The following AFF3 variants were observed in gnomAD, a reference collection of about 807,000 sequenced individuals.
AFF3 encodes ALF transcription elongation factor 3, also known as AF4/FMR2 family member 3.
A neutral mutation model predicts 129.7 loss-of-function variants in AFF3; 32 were observed. The ratio of observed to expected loss-of-function variants is 0.25; its 90% CI spans 0.19 to 0.33. The LOEUF (loss-of-function observed/expected upper bound fraction) is 0.33. Ranked by LOEUF, AFF3 falls within the 10% of genes least tolerant of loss-of-function variation. The pLI, the probability that AFF3 is intolerant of heterozygous loss-of-function variation, is 1.00. For missense variants in AFF3, 1,373 were observed against 1,592.0 expected, an observed-to-expected ratio of 0.86 and a Z score of 2.34; for synonymous variants, 644 against 635.4, an observed-to-expected ratio of 1.01 and a Z score of -0.20.
Position 99,608,212 on chromosome 2 carries a change from G to A in AFF3, c.1185-6591C>T, listed in dbSNP as rs753017610. Among the ~76,000 whole-genome samples, 5 of 152,274 alleles carry A rather than the reference G, an allele frequency of 3.3e-5. 1 individual carries two copies. The South Asian group carries it at 1.0e-3, about 32-fold the overall frequency. ...GGTGCCCTTGCATATGATATTTTCT[G>A]TGCCAGAAAGTCCTTTCTCCCTTTT... On this transcript the variant is annotated intron_variant, in intron 13 of 24. Transcript: ENST00000672756.
chr2:99,769,945 C>A (rs904218817), intron 8 of AFF3, among the ~76,000 whole-genome samples: 2 of 152,158 alleles, frequency 1.3e-5, no homozygotes, highest in African/African-American at 4.8e-5. Context: ...CTGGGTCACA[C>A]CTGAAGCCAG....
intron 7 of AFF3, among the ~76,000 whole-genome samples, chr2:99,850,501 G>A (rs1447036616): frequency 6.6e-6 from 1 of 152,122 alleles, no homozygotes; most frequent in East Asian, 1.9e-4. Flanking sequence ...AACTAATGGG[G>A]GAAAGTCCAG....
intron 13 of AFF3, among the ~76,000 whole-genome samples, chr2:99,633,522 T>C (rs191064494): frequency 6.6e-6 from 1 of 152,294 alleles, no homozygotes; most frequent in East Asian, 1.9e-4. Context: ...AGTTTGAATA[T>C]GGTTTTTCTG....
chr2:99,683,528 C>T (rs1674727245), intron 11 of AFF3, among the ~76,000 whole-genome samples: 1 of 151,994 alleles, frequency 6.6e-6, no homozygotes, highest in Non-Finnish European at 1.5e-5. Flanking sequence ...CAGCTCACTG[C>T]AGCCTTGACC....
chr2:99,662,759 G>A (rs1686356510), intron 12 of AFF3, among the ~76,000 whole-genome samples: 1 of 152,212 alleles, frequency 6.6e-6, no homozygotes, highest in Non-Finnish European at 1.5e-5. Context: ...CCTGATTACT[G>A]CTTCAACTCC....
At chr2:100,119,135 G>A (rs1009871472) in intron 2 of AFF3, among the ~76,000 whole-genome samples, 4 of 152,170 alleles carry the variant, frequency 2.6e-5, no homozygotes, top group African/African-American at 9.7e-5. Context: ...TAGTCTTAAT[G>A]CATACCTTCA....
chr2:99,624,664 C>T (rs911799885), intron 13 of AFF3, among the ~76,000 whole-genome samples: 20 of 152,178 alleles, frequency 1.3e-4, no homozygotes, highest in Admixed American at 1.1e-3. Flanking sequence ...TCATCACAGA[C>T]GTGCACATAG....
At chr2:99,590,690 CTT>C (rs1201816619) in intron 15 of AFF3, among the ~76,000 whole-genome samples, 4 of 152,150 alleles carry the variant, frequency 2.6e-5, no homozygotes, top group African/African-American at 9.7e-5. Context: ...GTTGGGGCCT[CTT>C]TATAAAATTA....
At chr2:99,835,276 G>A (rs1044924980) in intron 8 of AFF3, among the ~76,000 whole-genome samples, 23 of 152,100 alleles carry the variant, frequency 1.5e-4, no homozygotes, top group Non-Finnish European at 2.1e-4. Flanking sequence ...TAGGATCTAC[G>A]ACCTAGCTCT....
chr2:99,776,049 C>T (rs1450188409), intron 8 of AFF3, among the ~76,000 whole-genome samples: 1 of 152,078 alleles, frequency 6.6e-6, no homozygotes, highest in Admixed American at 6.5e-5. Context: ...AATAATACAA[C>T]AGTAGGAGAC....
chr2:100,020,199 C>A (rs1039668205), intron 4 of AFF3, among the ~76,000 whole-genome samples: 6 of 152,132 alleles, frequency 3.9e-5, no homozygotes, highest in Admixed American at 2.6e-4. Context: ...CCCCTATCTC[C>A]CCTTGGCTAG....
intron 12 of AFF3, among the ~76,000 whole-genome samples, chr2:99,666,153 G>A (rs1340028810): frequency 6.6e-6 from 1 of 152,214 alleles, no homozygotes; most frequent in Non-Finnish European, 1.5e-5. Flanking sequence ...AGGTTTCTCT[G>A]CTAGAAGCCA....
At chr2:100,122,380 A>G (rs1692015760) in intron 2 of AFF3, among the ~76,000 whole-genome samples, 1 of 152,244 alleles carries the variant, frequency 6.6e-6, no homozygotes, top group African/African-American at 2.4e-5. Context: ...ACCTTCCTGT[A>G]ATAGCTAGGC....
At chr2:99,811,416 T>C (rs1686777491) in intron 8 of AFF3, among the ~76,000 whole-genome samples, 1 of 152,114 alleles carries the variant, frequency 6.6e-6, no homozygotes, top group Admixed American at 6.5e-5. Context: ...ACAGAGGTTT[T>C]TTGGTTTTTT....
At chr2:99,741,103 G>T (rs1680679016) in intron 10 of AFF3, among the ~76,000 whole-genome samples, 1 of 152,200 alleles carries the variant, frequency 6.6e-6, no homozygotes, top group South Asian at 2.1e-4. Context: ...TCAAAGATCA[G>T]ATAGTTGTAG....
rs763352847 is a variant in AFF3, at chr2:99,548,756, CCAA to C, written c.*2715_*2717del. ...AGACCCGGTCTCAAAACCAACCAAACCAACAACAACAGCAGTAACAACAAAACT... is the reference window on the plus strand; with the variant it reads ...AGACCCGGTCTCAAAACCAACCAAACCAACAACAGCAGTAACAACAAAACT... On this transcript the variant is annotated 3_prime_UTR_variant, in exon 25 of 25. Coordinates refer to ENST00000672756, the MANE Select transcript of AFF3 (RefSeq NM_001386135.1). 8.7e-5 allele frequency: 20 copies of C among 230,356 alleles called. No individual in the cohort carries two copies. Among genetic ancestry groups the C allele is most frequent in the Non-Finnish European group, 1.3e-4 (15 of 116,328 alleles). The allele number at this position is 230,356 out of a possible 1,614,324, so 14.3% of individuals were successfully genotyped here.
At chr2:100,142,236 G>T (rs191902350) in intron 1 of AFF3, among the ~76,000 whole-genome samples, 1 of 151,578 alleles carries the variant, frequency 6.6e-6, no homozygotes, top group Non-Finnish European at 1.5e-5. Flanking sequence ...ACATGCACAC[G>T]CACACACACT....
At chr2:99,665,572 A>C (rs1369318560) in intron 12 of AFF3, among the ~76,000 whole-genome samples, 1 of 152,248 alleles carries the variant, frequency 6.6e-6, no homozygotes, top group African/African-American at 2.4e-5. Context: ...GCACAGACTG[A>C]ATCTGAAATG....
chr2:99,977,003 C>T, intron 7 of AFF3, among the ~76,000 whole-genome samples: 1 of 152,044 alleles, frequency 6.6e-6, no homozygotes, highest in African/African-American at 2.4e-5. Context: ...GGTCTTTGAA[C>T]CATAGAAAGA....
Sources: allele counts gnomAD v4.1 joint callset (sites outside exome capture counted in the v4.1 genomes callset), GRCh38; gene constraint gnomAD v4.1.1; transcripts MANE v1.5; gene names NCBI Gene and HGNC (gene_info 2026-07-23, HGNC 2026-07-21).